The following CNTNAP5 variants were observed in gnomAD, a reference collection of about 807,000 sequenced individuals.
CNTNAP5 encodes contactin-associated protein-like 5.
Under a neutral mutation model 150.2 loss-of-function variants are expected in CNTNAP5, and 72 were observed. The observed-to-expected ratio is 0.48, with a 90% CI of 0.40 to 0.58. The LOEUF (loss-of-function observed/expected upper bound fraction) is 0.58, where lower values mean the gene tolerates loss of function less well. Among genes scored for constraint, CNTNAP5 ranks in the 20% least tolerant of loss-of-function variants. CNTNAP5 has a pLI of 0.00. For missense variants in CNTNAP5, 1,636 were observed against 1,626.2 expected (o/e 1.01, Z -0.10); for synonymous variants, 672 against 619.8 (o/e 1.08, Z -1.25).
intron 1 of CNTNAP5, among the ~76,000 whole-genome samples, chr2:124,142,334 T>C (rs570543271): frequency 6.8e-6 from 1 of 146,672 alleles, no homozygotes; most frequent in East Asian, 2.1e-4. Context: ...CAACAGAATA[T>C]ACATTTTTTT....
At chr2:124,885,469 AAAG>A (rs1223743575) in intron 21 of CNTNAP5, among the ~76,000 whole-genome samples, 5 of 151,914 alleles carry the variant, frequency 3.3e-5, no homozygotes, top group African/African-American at 1.2e-4. Context: ...TAACCATTTT[AAAG>A]AATACAATTC....
At chr2:124,048,373 T>C (rs1681599322) in intron 1 of CNTNAP5, among the ~76,000 whole-genome samples, 3 of 152,224 alleles carry the variant, frequency 2.0e-5, no homozygotes, top group South Asian at 4.1e-4. Context: ...TGACAGTTAA[T>C]ACTGATATGC....
chr2:124,035,317 A>C (rs1681183466), intron 1 of CNTNAP5, among the ~76,000 whole-genome samples: 1 of 151,752 alleles, frequency 6.6e-6, no homozygotes, highest in South Asian at 2.1e-4. Context: ...TTCTTCCCCA[A>C]GTTGCTGATC....
chr2:124,831,657 T>G (rs1682718727), intron 19 of CNTNAP5, among the ~76,000 whole-genome samples: 1 of 151,206 alleles, frequency 6.6e-6, no homozygotes, highest in Non-Finnish European at 1.5e-5. Flanking sequence ...TATACTAAAA[T>G]AATTTCCTAA....
At chr2:124,441,768 A>T (rs78468041) in intron 5 of CNTNAP5, among the ~76,000 whole-genome samples, 3,830 of 151,984 alleles carry the variant, frequency 0.025, 96 homozygotes, top group African/African-American at 0.065. Context: ...CACAACAAAA[A>T]GTTGTGAACA....
intron 5 of CNTNAP5, among the ~76,000 whole-genome samples, chr2:124,441,827 G>A (rs1692681522): frequency 1.3e-5 from 2 of 151,498 alleles, no homozygotes. Flanking sequence ...CATAGAATTG[G>A]TGGGACTCAA....
At chr2:124,692,439 A>C (rs574439805) in intron 13 of CNTNAP5, among the ~76,000 whole-genome samples, 7 of 152,298 alleles carry the variant, frequency 4.6e-5, no homozygotes, top group African/African-American at 1.7e-4. Flanking sequence ...GGCCTTTTAC[A>C]GAAAAATGTA....
At chr2:124,540,401 G>A (rs1455063622) in intron 10 of CNTNAP5, among the ~76,000 whole-genome samples, 1 of 152,158 alleles carries the variant, frequency 6.6e-6, no homozygotes, top group African/African-American at 2.4e-5. Context: ...CTGTGTATGT[G>A]TTCACATGCA....
intron 1 of CNTNAP5, among the ~76,000 whole-genome samples, chr2:124,072,929 G>A (rs1281788108): frequency 6.6e-6 from 1 of 152,028 alleles, no homozygotes; most frequent in African/African-American, 2.4e-5. Context: ...AACAAAACTG[G>A]AGGAATCACA....
At chr2:124,892,037 A>T (rs1487259275) in intron 21 of CNTNAP5, among the ~76,000 whole-genome samples, 1 of 152,072 alleles carries the variant, frequency 6.6e-6, no homozygotes, top group Non-Finnish European at 1.5e-5. Context: ...GTCTATGGAG[A>T]GGGAAGTATA....
chr2:124,184,519 G>C (rs916772836), intron 1 of CNTNAP5, among the ~76,000 whole-genome samples: 9 of 152,154 alleles, frequency 5.9e-5, no homozygotes, highest in African/African-American at 1.9e-4. Flanking sequence ...ATCTTTCACT[G>C]AACATCCTGT....
intron 13 of CNTNAP5, chr2:124,680,633 C>A (rs1317100141): frequency 6.6e-6 from 1 of 151,802 alleles, no homozygotes; most frequent in Non-Finnish European, 1.5e-5. Context: ...ATGTATAGGG[C>A]AGAATTTCTT....
chr2:124,604,772 A>G (rs1466258666), intron 11 of CNTNAP5, among the ~76,000 whole-genome samples: 1 of 152,186 alleles, frequency 6.6e-6, no homozygotes, highest in Non-Finnish European at 1.5e-5. Flanking sequence ...TCTCCCAGTT[A>G]CTGAGCCAGC....
At chr2:124,342,528 T>A (rs1164887764) in intron 3 of CNTNAP5, among the ~76,000 whole-genome samples, 1 of 152,186 alleles carries the variant, frequency 6.6e-6, no homozygotes, top group Non-Finnish European at 1.5e-5. Flanking sequence ...AGATTATATC[T>A]GAAAGTTAGA....
chr2:124,374,232 G>T (rs1027845273), intron 3 of CNTNAP5, among the ~76,000 whole-genome samples: 1 of 150,036 alleles, frequency 6.7e-6, no homozygotes, highest in Non-Finnish European at 1.5e-5. Context: ...TCTTTCACTA[G>T]TTACAATATA....
chr2:124,086,867 G>A (rs1272514034), intron 1 of CNTNAP5, among the ~76,000 whole-genome samples: 3 of 151,284 alleles, frequency 2.0e-5, no homozygotes, highest in Admixed American at 6.6e-5. Context: ...TGTGCTGTTT[G>A]TCTCTTCTCT....
chr2:124,131,479 G>A (rs935316360), intron 1 of CNTNAP5, among the ~76,000 whole-genome samples: 3 of 152,156 alleles, frequency 2.0e-5, no homozygotes, highest in African/African-American at 7.2e-5. Context: ...CCAGATGTGG[G>A]ATTCAATCTC....
chr2:124,589,156 A>G (rs1332404765), intron 11 of CNTNAP5, among the ~76,000 whole-genome samples: 2 of 152,088 alleles, frequency 1.3e-5, no homozygotes, highest in Admixed American at 1.3e-4. Flanking sequence ...CGATGCCCCA[A>G]AAAGTGACCC....
intron 13 of CNTNAP5, among the ~76,000 whole-genome samples, chr2:124,660,043 A>AAGAAAGGAAGAAAGG (rs1558724333): frequency 3.1e-5 from 4 of 130,948 alleles, no homozygotes; most frequent in African/African-American, 1.2e-4. Context: ...AGGAAGGAAG[A>AAGAAAGGAAGAAAGG]AAGGAAGGAA....
Sources: gnomAD v4.1 joint callset for allele counts (sites outside exome capture counted in the v4.1 genomes callset) on GRCh38, gnomAD v4.1.1 for gene constraint, MANE v1.5 for transcripts, NCBI Gene and HGNC (gene_info 2026-07-23, HGNC 2026-07-21) for gene names.